The following CLMP variants were observed in gnomAD, a reference collection of about 807,000 sequenced individuals.
CLMP encodes the protein CXADR like cell adhesion molecule.
CLMP carries 27 observed loss-of-function variants against 45.2 expected under a neutral mutation model. The observed-to-expected ratio is 0.60, with a 90% CI of 0.44 to 0.82. The LOEUF (loss-of-function observed/expected upper bound fraction) is 0.82. Ranked by LOEUF, CLMP falls within the 40% of genes least tolerant of loss-of-function variation. CLMP has a pLI of 0.00. For missense variants in CLMP, 403 were observed against 448.4 expected, an observed-to-expected ratio of 0.90 and a Z score of 0.91; for synonymous variants, 167 against 171.4, an observed-to-expected ratio of 0.97 and a Z score of 0.20.
chr11:123,078,057 G>T (rs1015954281), intron 5 of CLMP, among the ~76,000 whole-genome samples: 2 of 151,842 alleles, frequency 1.3e-5, no homozygotes, highest in Non-Finnish European at 2.9e-5. Context: ...AGTGAGCCGA[G>T]ATCGCACCAT....
At chr11:123,085,533 G>A (rs1865854493) in intron 2 of CLMP, among the ~76,000 whole-genome samples, 1 of 147,050 alleles carries the variant, frequency 6.8e-6, no homozygotes, top group Non-Finnish European at 1.5e-5. Flanking sequence ...ACAGACATGA[G>A]CCACCACGCC....
intron 1 of CLMP, among the ~76,000 whole-genome samples, chr11:123,098,981 C>T (rs1866022975): frequency 6.6e-6 from 1 of 152,146 alleles, no homozygotes; most frequent in South Asian, 2.1e-4. Flanking sequence ...GCGTGAGCCA[C>T]CGCGTCCGGC....
intron 1 of CLMP, among the ~76,000 whole-genome samples, chr11:123,168,579 C>A (rs912365241): frequency 6.6e-6 from 1 of 152,086 alleles, no homozygotes; most frequent in African/African-American, 2.4e-5. Context: ...AGGACAGGGT[C>A]GGCTAACCCT....
intron 1 of CLMP, among the ~76,000 whole-genome samples, chr11:123,179,919 AAC>A (rs1861747524): frequency 6.6e-6 from 1 of 152,202 alleles, no homozygotes; most frequent in Non-Finnish European, 1.5e-5. Context: ...ATGGACCAGT[AAC>A]ACTGGCTAGG....
chr11:123,123,977 G>A (rs780825712), intron 1 of CLMP, among the ~76,000 whole-genome samples: 1 of 152,140 alleles, frequency 6.6e-6, no homozygotes, highest in South Asian at 2.1e-4. Flanking sequence ...GGGTGGGAAT[G>A]AACTCATTAC....
intron 1 of CLMP, among the ~76,000 whole-genome samples, chr11:123,182,581 G>A (rs576819348): frequency 5.1e-4 from 78 of 152,274 alleles, no homozygotes; most frequent in African/African-American, 1.8e-3. Flanking sequence ...TTCACCAAGC[G>A]TGGTTCCTAT....
At chr11:123,082,510 T>G (rs1338705297) in intron 5 of CLMP, among the ~76,000 whole-genome samples, 1 of 152,162 alleles carries the variant, frequency 6.6e-6, no homozygotes, top group African/African-American at 2.4e-5. Flanking sequence ...GGTTTCACCA[T>G]GTTGGTCAGG....
chr11:123,136,538 C>G (rs1861073947), intron 1 of CLMP, among the ~76,000 whole-genome samples: 1 of 139,204 alleles, frequency 7.2e-6, no homozygotes, highest in African/African-American at 2.7e-5. Context: ...ATGGCTGGAA[C>G]TTGGGTTATT....
intron 1 of CLMP, among the ~76,000 whole-genome samples, chr11:123,149,791 C>A (rs1249137567): frequency 1.6e-5 from 1 of 63,706 alleles, no homozygotes; most frequent in East Asian, 4.3e-4. Flanking sequence ...TTCTTTCTTC[C>A]TTTCTTTCTT....
intron 1 of CLMP, among the ~76,000 whole-genome samples, chr11:123,151,618 C>T (rs933421981): frequency 6.6e-6 from 1 of 152,194 alleles, no homozygotes; most frequent in East Asian, 1.9e-4. Context: ...TACATGATTA[C>T]AGGGTAATAT....
chr11:123,112,770 A>ATTTT lies in CLMP; in HGVS notation c.29-14822_29-14819dup, dbSNP rs34587716. Among the ~76,000 whole-genome samples, 107 of 113,972 alleles carry ATTTT rather than the reference A, an allele frequency of 9.4e-4. 1 individual carries two copies. The highest frequency in any genetic ancestry group is 2.3e-3 in the African/African-American group (67 of 28,582). The allele number at this position is 113,972 out of a possible 152,430, so 74.8% of individuals were successfully genotyped here. A position where few individuals can be genotyped will look rare whatever the true frequency, so the allele number is the denominator to read the frequency against. On this transcript the variant is annotated intron_variant, in intron 1 of 6. Coordinates refer to ENST00000448775, the MANE Select transcript of CLMP (RefSeq NM_024769.5). ...GATCTTGACAGGTCTGTTAGTACCCATTTTTTTTTTTTTTTTTTTTTGAGA... is the reference window on the plus strand; with the variant it reads ...GATCTTGACAGGTCTGTTAGTACCCATTTTTTTTTTTTTTTTTTTTTTTTTGAGA...
chr11:123,136,460 C>T, intron 1 of CLMP: 1 of 401,294 alleles, frequency 2.5e-6, no homozygotes, highest in Non-Finnish European at 4.5e-6. Context: ...CCACCCTCCT[C>T]TCCCTGGCGC....
intron 2 of CLMP, among the ~76,000 whole-genome samples, chr11:123,091,082 T>G (rs187960617): frequency 9.2e-5 from 14 of 151,748 alleles, no homozygotes; most frequent in Admixed American, 2.6e-4. Context: ...CTTCTTTCTT[T>G]CTCTCTCTCT....
intron 1 of CLMP, among the ~76,000 whole-genome samples, chr11:123,123,824 A>G (rs78868029): frequency 0.029 from 4,429 of 152,332 alleles, 85 homozygotes; most frequent in African/African-American, 0.05. Flanking sequence ...AGACAGCACA[A>G]AATTGACACT....
At chr11:123,090,659 G>A (rs1253353999) in intron 2 of CLMP, among the ~76,000 whole-genome samples, 1 of 152,134 alleles carries the variant, frequency 6.6e-6, no homozygotes, top group Non-Finnish European at 1.5e-5. Context: ...TTATTAGCCT[G>A]GTTCTGGGTT....
At chr11:123,183,512 T>G (rs1861796137) in intron 1 of CLMP, among the ~76,000 whole-genome samples, 1 of 152,056 alleles carries the variant, frequency 6.6e-6, no homozygotes, top group South Asian at 2.1e-4. Flanking sequence ...ATTACAAGTG[T>G]GAGCCACTGC....
At chr11:123,162,414 C>T (rs1313928758) in intron 1 of CLMP, among the ~76,000 whole-genome samples, 7 of 152,084 alleles carry the variant, frequency 4.6e-5, no homozygotes, top group African/African-American at 7.2e-5. Flanking sequence ...AAAACAGGAA[C>T]GTGTATAATG....
chr11:123,087,598 G>A (rs1473276684), intron 2 of CLMP, among the ~76,000 whole-genome samples: 1 of 151,934 alleles, frequency 6.6e-6, no homozygotes, highest in African/African-American at 2.4e-5. Context: ...CGAGGCGGGT[G>A]GATCACGAGG....
At chr11:123,171,427 TTTTTCTTTTC>T (rs550153098) in intron 1 of CLMP, among the ~76,000 whole-genome samples, 2 of 139,218 alleles carry the variant, frequency 1.4e-5, no homozygotes, top group African/African-American at 2.6e-5. Flanking sequence ...AAGATTTTTT[TTTTTCTTTTC>T]TTTTCTTTTC....
Sources: allele counts gnomAD v4.1 joint callset (sites outside exome capture counted in the v4.1 genomes callset), GRCh38; gene constraint gnomAD v4.1.1; transcripts MANE v1.5; gene names NCBI Gene and HGNC (gene_info 2026-07-23, HGNC 2026-07-21).